Variants in MCTS1 observed in about 807,000 individuals in gnomAD.
MCTS1 encodes the protein MCTS1 re-initiation and release factor.
For missense variants in MCTS1, 55 were observed against 128.6 expected, an observed-to-expected ratio of 0.43 and a Z score of 2.77; for synonymous variants, 26 against 40.8, an observed-to-expected ratio of 0.64 and a Z score of 1.38.
chrX:120,611,302 A>G (rs1926681020), intron 5 of MCTS1: 1 of 344,787 alleles, frequency 2.9e-6, no homozygotes, highest in Admixed American at 4.7e-5. Flanking sequence ...CCATGTGCCA[A>G]CACAGCTGTT....
At position 120,618,160 on chromosome X, in the gene MCTS1, G is replaced by A. The variant is rs1344775249; in HGVS notation, c.*5896G>A. ...GACACTGTCTATTAATAGTCCTTGAGTGAGCTTAAATTTGAGACACTTTTA... is the reference window on the plus strand; with the variant it reads ...GACACTGTCTATTAATAGTCCTTGAATGAGCTTAAATTTGAGACACTTTTA... On this transcript the variant is annotated 3_prime_UTR_variant, in exon 6 of 6. Transcript: ENST00000371317. Among the ~76,000 whole-genome samples the A allele has an allele frequency of 8.9e-6, 1 of 112,720 alleles. No individual in the cohort carries two copies. The highest frequency in any genetic ancestry group is 1.9e-5 in the Non-Finnish European group (1 of 53,395).
intron 4 of MCTS1, among the ~76,000 whole-genome samples, chrX:120,610,099 A>C (rs984000534): frequency 4.5e-5 from 5 of 112,005 alleles, no homozygotes; most frequent in Non-Finnish European, 9.4e-5. Context: ...AGGCGGGCAG[A>C]TCACCTGAGG....
chrX:120,607,463 T>C (rs753218739), intron 3 of MCTS1, among the ~76,000 whole-genome samples: 1 of 111,472 alleles, frequency 9.0e-6, no homozygotes, highest in East Asian at 2.8e-4. Context: ...CCTCATCCCC[T>C]TGTAGTTTTT....
At position 120,614,680 on chromosome X, in the gene MCTS1, G is replaced by A. The variant is rs1926798214; in HGVS notation, c.*2416G>A. Among the ~76,000 whole-genome samples the A allele has an allele frequency of 9.0e-6, 1 of 111,575 alleles. No homozygotes were observed. On this transcript the variant is annotated 3_prime_UTR_variant, in exon 6 of 6. Coordinates refer to ENST00000371317, the MANE Select transcript of MCTS1 (RefSeq NM_014060.3). ...GATGTCTCCCTATTTGGGGGAGGAGGCACCCTATTTGAGGCCTGTAGCTCC... is the reference window on the plus strand; with the variant it reads ...GATGTCTCCCTATTTGGGGGAGGAGACACCCTATTTGAGGCCTGTAGCTCC...
intron 1 of MCTS1, chrX:120,604,945 T>C: frequency 9.5e-7 from 1 of 1,050,770 alleles, no homozygotes; most frequent in Non-Finnish European, 1.3e-6. Context: ...TTAAAAAAAA[T>C]CTCAGCAGAT....
rs971347063 is a variant in MCTS1, at chrX:120,615,617, T to C, written c.*3353T>C. Among the ~76,000 whole-genome samples, 2 of 111,615 alleles carry C rather than the reference T, an allele frequency of 1.8e-5. No homozygotes were observed. The highest frequency in any genetic ancestry group is 6.5e-5 in the African/African-American group (2 of 30,732). On this transcript the variant is annotated 3_prime_UTR_variant, in exon 6 of 6. Coordinates refer to ENST00000371317, the MANE Select transcript of MCTS1 (RefSeq NM_014060.3). The stretch of plus-strand genomic sequence containing the variant: ...TACAAATGAACTAAATGTAGTAATA[T>C]TCCATAGATTGTATCCAATGTGAGG...
In MCTS1 at chrX:120,619,673, A is replaced by G. The variant is rs781116661; in HGVS notation, c.*7409A>G. Reference sequence around the variant, plus strand: ...TCTTTATGGGTTATTGGAGAGAGGTATAAGTTGGCAAGACTCTGTTCCACG... The same window carrying G: ...TCTTTATGGGTTATTGGAGAGAGGTGTAAGTTGGCAAGACTCTGTTCCACG... On this transcript the variant is annotated 3_prime_UTR_variant, in exon 6 of 6. Transcript: ENST00000371317. Among the ~76,000 whole-genome samples, 19 of 111,373 alleles carry G rather than the reference A, an allele frequency of 1.7e-4. No individual in the cohort carries two copies. The highest frequency in any genetic ancestry group is 3.2e-4 in the Non-Finnish European group (17 of 53,087).
rs779228234 is a variant in MCTS1, at chrX:120,604,201, G to T, written c.-36G>T. 2 of 1,206,338 alleles carry T rather than the reference G, an allele frequency of 1.7e-6. No individual in the cohort carries two copies. Among genetic ancestry groups the T allele is most frequent in the South Asian group, 1.8e-5 (1 of 56,469 alleles). On this transcript the variant is annotated 5_prime_UTR_variant, in exon 1 of 6. Coordinates refer to ENST00000371317, the MANE Select transcript of MCTS1 (RefSeq NM_014060.3). Reference sequence around the variant, plus strand: ...CAAATTCAATTTCTTTCCCATTCCGGGCCCTTCCCTATCGTCGCCCCCTTC... The same window carrying T: ...CAAATTCAATTTCTTTCCCATTCCGTGCCCTTCCCTATCGTCGCCCCCTTC...
intron 3 of MCTS1, among the ~76,000 whole-genome samples, chrX:120,606,406 G>A (rs1926531741): frequency 8.9e-6 from 1 of 112,385 alleles, no homozygotes; most frequent in Non-Finnish European, 1.9e-5. Flanking sequence ...TAAAATGAAT[G>A]CCCATCTTGT....
At chrX:120,611,313 T>C (rs1926681277) in intron 5 of MCTS1, 2 of 324,544 alleles carry the variant, frequency 6.2e-6, no homozygotes, top group Non-Finnish European at 5.4e-6. Context: ...CACAGCTGTT[T>C]TATATGTGTG....
At chrX:120,606,696 A>G (rs1926540816) in intron 3 of MCTS1, among the ~76,000 whole-genome samples, 1 of 108,542 alleles carries the variant, frequency 9.2e-6, no homozygotes, top group Admixed American at 1.0e-4. Flanking sequence ...AGGCAGGAGA[A>G]TCACTTCAAC....
rs755537649 is a variant in MCTS1, at chrX:120,617,207, T to G, written c.*4943T>G. 8.9e-6 allele frequency among the ~76,000 whole-genome samples: 1 copy of G among 112,252 alleles called. No individual in the cohort carries two copies. Among genetic ancestry groups the G allele is most frequent in the East Asian group, 2.8e-4 (1 of 3,599 alleles). ...TGTTGTTGTTGTTGTTGTTGTTGTT[T>G]TTGAGATGGAGTCTTGCTTCATTGC... On this transcript the variant is annotated 3_prime_UTR_variant, in exon 6 of 6. Transcript: ENST00000371317.
Position 120,620,832 on chromosome X carries a change from T to C in MCTS1, c.*8568T>C, listed in dbSNP as rs1927015949. 1 of 111,722 alleles carries C rather than the reference T, an allele frequency of 9.0e-6. No individual in the cohort carries two copies. Among genetic ancestry groups the C allele is most frequent in the African/African-American group, 3.3e-5 (1 of 30,743 alleles). The allele number at this position is 111,722 out of a possible 1,213,427, so 9.2% of individuals were successfully genotyped here. A position where few individuals can be genotyped will look rare whatever the true frequency, so the allele number is the denominator to read the frequency against. On this transcript the variant is annotated 3_prime_UTR_variant, in exon 6 of 6. Transcript: ENST00000371317. ...CTAAAAGTCAGGTTGCAGTTTCCAT[T>C]GCATTCAAGAAAATCAGAAAAATAA...
intron 3 of MCTS1, 41 bp downstream of exon 3, chrX:120,606,217 A>G: frequency 1.3e-6 from 1 of 782,427 alleles, no homozygotes; most frequent in South Asian, 2.9e-5. Context: ...TTTTACTCCT[A>G]TTGCAATATT....
Position 120,619,425 on chromosome X carries a change from A to G in MCTS1, c.*7161A>G, listed in dbSNP as rs763164466. 2.3e-4 allele frequency among the ~76,000 whole-genome samples: 25 copies of G among 110,249 alleles called. No individual in the cohort carries two copies. Among genetic ancestry groups the G allele is most frequent in the African/African-American group, 7.9e-4 (24 of 30,410 alleles). On this transcript the variant is annotated 3_prime_UTR_variant, in exon 6 of 6. Coordinates refer to ENST00000371317, the MANE Select transcript of MCTS1 (RefSeq NM_014060.3). ...TTATATATCTTGCTTAATCTTAGCAATGATTCCATGAGGTAGATTTTAACT... is the reference window on the plus strand; with the variant it reads ...TTATATATCTTGCTTAATCTTAGCAGTGATTCCATGAGGTAGATTTTAACT...
At position 120,612,312 on chromosome X, in the gene MCTS1, C is replaced by T. The variant is rs933219428; in HGVS notation, c.*48C>T. On this transcript the variant is annotated 3_prime_UTR_variant, in exon 6 of 6. Coordinates refer to ENST00000371317, the MANE Select transcript of MCTS1 (RefSeq NM_014060.3). ...GCTAAATATGGATATTGTGCTGTAT[C>T]TGTGTTTGTGTCTGTGTGTGACAGC... is the stretch of plus-strand genomic sequence containing the variant. 1 of 954,247 alleles carries T rather than the reference C, an allele frequency of 1.0e-6. No homozygotes were observed. The highest frequency in any genetic ancestry group is 2.5e-5 in the Admixed American group (1 of 39,271). 78.6% of individuals were successfully genotyped at this position (954,247 alleles called of 1,213,427 possible). A position where few individuals can be genotyped will look rare whatever the true frequency, so the allele number is the denominator to read the frequency against.
rs1041070783 is a variant in MCTS1 at position 120,618,058 on chromosome X, G to A, written c.*5794G>A. Among the ~76,000 whole-genome samples the A allele has an allele frequency of 4.4e-5, 5 of 112,711 alleles. No homozygotes were observed. The highest frequency in any genetic ancestry group is 1.6e-4 in the African/African-American group (5 of 31,022). On this transcript the variant is annotated 3_prime_UTR_variant, in exon 6 of 6. Coordinates refer to ENST00000371317, the MANE Select transcript of MCTS1 (RefSeq NM_014060.3). The stretch of plus-strand genomic sequence containing the variant: ...CCAAATTCTGGTGTTGTCCTATGCT[G>A]ATGCATAATGAAGCCCTGAGGCTTG...
chrX:120,610,958 G>T, intron 4 of MCTS1, 53 bp from the exon 5 acceptor site: 1 of 1,155,212 alleles, frequency 8.7e-7, no homozygotes, highest in South Asian at 1.8e-5. Flanking sequence ...TTCCCTTGAT[G>T]GGGAGGCCCC....
Position 120,619,248 on chromosome X carries a change from C to T in MCTS1, c.*6984C>T, listed in dbSNP as rs1257892129. 2.7e-5 allele frequency among the ~76,000 whole-genome samples: 3 copies of T among 111,395 alleles called. No homozygotes were observed. The highest frequency in any genetic ancestry group is 9.8e-5 in the African/African-American group (3 of 30,681). On this transcript the variant is annotated 3_prime_UTR_variant, in exon 6 of 6. Transcript: ENST00000371317. ...AATATTCAATACCAGCTGTTATTCA[C>T]ATCAATATTTTAACATTTTACCATC...
Sources: gnomAD v4.1 joint callset for allele counts (sites outside exome capture counted in the v4.1 genomes callset) on GRCh38, gnomAD v4.1.1 for gene constraint, MANE v1.5 for transcripts, NCBI Gene and HGNC (gene_info 2026-07-23, HGNC 2026-07-21) for gene names.